BTNL3: variants seen among roughly 807,000 people sequenced by gnomAD.
BTNL3 encodes butyrophilin like 3.
In BTNL3, 20 loss-of-function variants were observed where a neutral mutation model predicts 40.1. The ratio of observed to expected loss-of-function variants is 0.50; its 90% CI spans 0.35 to 0.72. The LOEUF is 0.72. Among genes scored for constraint, BTNL3 ranks in the 30% least tolerant of loss-of-function variants. The pLI, the probability that BTNL3 is intolerant of heterozygous loss-of-function variation, is 0.01. For synonymous variants in BTNL3, 179 were observed against 222.1 expected (o/e 0.81, Z 1.73); for missense variants, 449 against 582.2 (o/e 0.77, Z 2.35).
chr5:180,996,900 T>G (rs73815151), intron 2 of BTNL3, among the ~76,000 whole-genome samples: 4,187 of 137,050 alleles, frequency 0.031, 624 homozygotes, highest in African/African-American at 0.098. Flanking sequence ...GAAGGGGCTG[T>G]GTCTTATTCA....
In BTNL3 at chr5:180,993,274, T is replaced by C. The variant is rs1010181420; in HGVS notation, c.397+114T>C. On this transcript the variant is annotated intron_variant, in intron 2 of 7. Transcript: ENST00000342868. ...AGACTTTCCAGATTCTGACATGATG[T>C]AAAAAGGCTTCGGTGGGGATCACTG... The C allele has an allele frequency of 3.8e-6, 5 of 1,304,598 alleles. No homozygotes were observed. In the African/African-American group the frequency reaches 7.4e-5, roughly 19 times the overall value. The allele number at this position is 1,304,598 out of a possible 1,614,324, so 80.8% of individuals were successfully genotyped here. A position where few individuals can be genotyped will look rare whatever the true frequency, so the allele number is the denominator to read the frequency against.
rs373314636 is a variant in BTNL3, at chr5:180,999,318, G to A, written c.673+1830G>A. 4.4e-5 allele frequency among the ~76,000 whole-genome samples: 6 copies of A among 136,198 alleles called. 1 individual carries two copies. Among genetic ancestry groups the A allele is most frequent in the South Asian group, 2.2e-4 (1 of 4,608 alleles). The allele number at this position is 136,198 out of a possible 152,430, so 89.4% of individuals were successfully genotyped here. On this transcript the variant is annotated intron_variant, in intron 3 of 7. Coordinates refer to ENST00000342868, the MANE Select transcript of BTNL3 (RefSeq NM_197975.3). ...TAATACATCTAAAGTTAGACGGTTCGAAGTGTTATTAAAATAGATAAACTG... is the reference window on the plus strand; with the variant it reads ...TAATACATCTAAAGTTAGACGGTTCAAAGTGTTATTAAAATAGATAAACTG...
chr5:181,004,134 T>C, intron 5 of BTNL3: 1 of 1,328,374 alleles, frequency 7.5e-7, no homozygotes, highest in South Asian at 1.4e-5. Flanking sequence ...GTGTGTGTGG[T>C]GGGGGGAGGT....
rs1319926633 is a variant in BTNL3, at chr5:180,997,389, G to A, written c.574G>A (p.Glu192Lys). 2 of 1,457,902 alleles carry A rather than the reference G, an allele frequency of 1.4e-6. No homozygotes were observed. Among genetic ancestry groups the A allele is most frequent in the Admixed American group, 1.9e-5 (1 of 52,736 alleles). 90.3% of individuals were successfully genotyped at this position (1,457,902 alleles called of 1,614,324 possible). Residue 192 changes from glutamate to lysine, a missense_variant, in exon 3 of 8, where the codon GAG (glutamate) becomes AAG (lysine). Transcript: ENST00000342868. ...AGATGGGTACAGCCTGTATGATGTG[G>A]AGATCTCCATTATAGTCCAGGAAAA... ...NADGYSLYDV[E>K]ISIIVQENAG...
chr5:181,002,119 CT>C lies in BTNL3; in HGVS notation c.674-550del, dbSNP rs1295669692. Among the ~76,000 whole-genome samples the C allele has an allele frequency of 2.3e-5, 3 of 133,298 alleles. 1 individual carries two copies. The highest frequency in any genetic ancestry group is 3.4e-5 in the Non-Finnish European group (2 of 58,668). The allele number at this position is 133,298 out of a possible 152,430, so 87.4% of individuals were successfully genotyped here. On this transcript the variant is annotated intron_variant, in intron 3 of 7. Coordinates refer to ENST00000342868, the MANE Select transcript of BTNL3 (RefSeq NM_197975.3). ...CTTATCTCAGAGACATATCCCAAAG[CT>C]TTGAAGATTAAGCCAATTAAAATTA... is the stretch of plus-strand genomic sequence containing the variant.
rs772608666 is a variant in BTNL3 at position 180,989,128 on chromosome 5, T to C, written c.49+51T>C. 2.5e-5 allele frequency: 35 copies of C among 1,399,384 alleles called. 9 individuals carry two copies. Among genetic ancestry groups the C allele is most frequent in the Non-Finnish European group, 3.4e-5 (35 of 1,025,658 alleles). 86.7% of individuals were successfully genotyped at this position (1,399,384 alleles called of 1,614,324 possible). Reference sequence around the variant, plus strand: ...TTTTTCTCCTTGTTGAATAATATTTTGAGTTCATTCATGACAATGATCTCA... The same window carrying C: ...TTTTTCTCCTTGTTGAATAATATTTCGAGTTCATTCATGACAATGATCTCA... On this transcript the variant is annotated intron_variant, in intron 1 of 7. Transcript: ENST00000342868.
At position 180,998,572 on chromosome 5, in the gene BTNL3, T is replaced by C. The variant is rs539010107; in HGVS notation, c.673+1084T>C. ...AACTTTTATAAAATTTTACCAGATATAAACACATACAATGGTTTTAAGAAA... is the reference window on the plus strand; with the variant it reads ...AACTTTTATAAAATTTTACCAGATACAAACACATACAATGGTTTTAAGAAA... On this transcript the variant is annotated intron_variant, in intron 3 of 7. Transcript: ENST00000342868. Among the ~76,000 whole-genome samples the C allele has an allele frequency of 2.2e-5, 3 of 137,006 alleles. 1 individual carries two copies. The South Asian group carries it at 6.5e-4, about 29-fold the overall frequency. 89.9% of individuals were successfully genotyped at this position (137,006 alleles called of 152,430 possible). A position where few individuals can be genotyped will look rare whatever the true frequency, so the allele number is the denominator to read the frequency against.
chr5:180,990,352 T>C (rs1408076466), intron 1 of BTNL3, among the ~76,000 whole-genome samples: 2 of 137,790 alleles, frequency 1.5e-5, no homozygotes, highest in African/African-American at 5.0e-5. Context: ...CTCTATGAGC[T>C]TGTGGCTAAT....
At position 180,996,216 on chromosome 5, in the gene BTNL3, T is replaced by A. The variant is rs529246302; in HGVS notation, c.398-997T>A. Among the ~76,000 whole-genome samples, 5 of 136,688 alleles carry A rather than the reference T, an allele frequency of 3.7e-5. 1 individual carries two copies. The South Asian group carries it at 1.1e-3, about 30-fold the overall frequency. 89.7% of individuals were successfully genotyped at this position (136,688 alleles called of 152,430 possible). ...AAATCTGAATGTCACAATAAACCCT[T>A]CCTTGATGTTCAGTCCTATTGATTC... On this transcript the variant is annotated intron_variant, in intron 2 of 7. Coordinates refer to ENST00000342868, the MANE Select transcript of BTNL3 (RefSeq NM_197975.3).
chr5:181,003,007 T>C (rs907830924), intron 4 of BTNL3, among the ~76,000 whole-genome samples: 1 of 135,626 alleles, frequency 7.4e-6, no homozygotes, highest in Non-Finnish European at 1.7e-5. Context: ...CTACTTTACA[T>C]GGAGCACAGG....
At chr5:180,989,802 T>G (rs1036191965) in intron 1 of BTNL3, among the ~76,000 whole-genome samples, 1 of 136,942 alleles carries the variant, frequency 7.3e-6, no homozygotes, top group Non-Finnish European at 1.7e-5. Context: ...TCCATCCTGC[T>G]ATTTGTCTAC....
chr5:181,005,750 T>A lies in BTNL3; in HGVS notation c.1279T>A (p.Ser427Thr). The A allele has an allele frequency of 6.2e-7, 1 of 1,614,058 alleles. No homozygotes were observed. The highest frequency in any genetic ancestry group is 8.5e-7 in the Non-Finnish European group (1 of 1,179,998). ...TISFFNTNDQ[S>T]LIYTLLTCQF... ...CTCCTTCTTCAATACAAATGACCAG[T>A]CCCTTATTTATACCCTGCTGACATG... Residue 427 changes from serine to threonine, a missense_variant, in exon 8 of 8, where the codon TCC becomes ACC. By Grantham distance (58) the Ser-to-Thr change is moderately conservative. Coordinates refer to ENST00000342868, the MANE Select transcript of BTNL3 (RefSeq NM_197975.3).
In BTNL3 at chr5:181,004,683, G is replaced by A. The variant is rs371953707; in HGVS notation, c.836-53G>A. On this transcript the variant is annotated intron_variant, in intron 6 of 7. Coordinates refer to ENST00000342868, the MANE Select transcript of BTNL3 (RefSeq NM_197975.3). ...TCCTTGGTCTTTCCCTTCTCCCTGCGCCCTGTTTCCCACGTGAGCACGGAA... is the reference window on the plus strand; with the variant it reads ...TCCTTGGTCTTTCCCTTCTCCCTGCACCCTGTTTCCCACGTGAGCACGGAA... 61 of 1,613,868 alleles carry A rather than the reference G, an allele frequency of 3.8e-5. 1 individual carries two copies. Among genetic ancestry groups the A allele is most frequent in the Middle Eastern group, 3.4e-4 (2 of 5,878 alleles).
rs543846046 is a variant in BTNL3 at position 180,999,936 on chromosome 5, T to C, written c.673+2448T>C. On this transcript the variant is annotated intron_variant, in intron 3 of 7. Coordinates refer to ENST00000342868, the MANE Select transcript of BTNL3 (RefSeq NM_197975.3). ...CCACAAGGAAGACACAAGGCCCACA[T>C]TGTTTTATATACAAAGTCTACCAAA... Among the ~76,000 whole-genome samples, 14 of 137,136 alleles carry C rather than the reference T, an allele frequency of 1.0e-4. No individual in the cohort carries two copies. The South Asian group carries it at 3.0e-3, about 30-fold the overall frequency. 90.0% of individuals were successfully genotyped at this position (137,136 alleles called of 152,430 possible). A position where few individuals can be genotyped will look rare whatever the true frequency, so the allele number is the denominator to read the frequency against.
chr5:180,991,935 CA>C (rs1488304796), intron 1 of BTNL3, among the ~76,000 whole-genome samples: 2 of 137,114 alleles, frequency 1.5e-5, no homozygotes, highest in East Asian at 2.2e-4. Flanking sequence ...AAAAAAATCA[CA>C]AAAAATCTTA....
Position 181,006,012 on chromosome 5 carries a change from C to T in BTNL3, c.*140C>T, listed in dbSNP as rs754378880. 5.1e-6 allele frequency: 5 copies of T among 974,148 alleles called. No homozygotes were observed. The highest frequency in any genetic ancestry group is 1.7e-5 in the African/African-American group (1 of 60,386). 60.3% of individuals were successfully genotyped at this position (974,148 alleles called of 1,614,324 possible). A position where few individuals can be genotyped will look rare whatever the true frequency, so the allele number is the denominator to read the frequency against. On this transcript the variant is annotated 3_prime_UTR_variant, in exon 8 of 8. Transcript: ENST00000342868. ...ACGCCCCCCACTCTCCTTTAGGGAGCTGAGGTTCTTCTGCCCTGAGCCCTG... is the reference window on the plus strand; with the variant it reads ...ACGCCCCCCACTCTCCTTTAGGGAGTTGAGGTTCTTCTGCCCTGAGCCCTG...
intron 4 of BTNL3, among the ~76,000 whole-genome samples, chr5:181,003,203 T>A (rs1408998536): frequency 7.5e-6 from 1 of 133,260 alleles, no homozygotes; most frequent in Non-Finnish European, 1.7e-5. Flanking sequence ...AAAAAATTTT[T>A]AAAAAATAAA....
intron 2 of BTNL3, 102 bp downstream of exon 2, chr5:180,993,262 T>G (rs1759997079): frequency 1.5e-6 from 2 of 1,326,172 alleles, no homozygotes; most frequent in East Asian, 5.5e-5. Flanking sequence ...CTTTCCAGAT[T>G]CTGACATGAT....
rs774633909 is a variant in BTNL3, at chr5:181,005,825, G to A, written c.1354G>A (p.Glu452Lys). Residue 452 changes from glutamate to lysine, a missense_variant, in exon 8 of 8, where the codon GAG becomes AAG. Physicochemically the swap from Glu to Lys is moderately conservative, Grantham distance 56 (BLOSUM62 1). Coordinates refer to ENST00000342868, the MANE Select transcript of BTNL3 (RefSeq NM_197975.3). ...RPYIQHAMYD[E>K]EKGTPIFICP... is the part of the protein sequence containing the mutation. ...CTATATCCAGCATGCGATGTATGAC[G>A]AGGAAAAGGGGACTCCCATATTCAT... The A allele has an allele frequency of 8.1e-6, 13 of 1,613,508 alleles. No homozygotes were observed. The highest frequency in any genetic ancestry group is 1.6e-4 in the Middle Eastern group (1 of 6,082).
Sources: allele counts gnomAD v4.1 joint callset (sites outside exome capture counted in the v4.1 genomes callset), GRCh38; gene constraint gnomAD v4.1.1; transcripts MANE v1.5; gene names NCBI Gene and HGNC (gene_info 2026-07-23, HGNC 2026-07-21).